The following CAMTA1 variants were observed in gnomAD, a reference collection of about 807,000 sequenced individuals.
CAMTA1 encodes the protein calmodulin binding transcription activator 1, also known as calmodulin-binding transcription activator 1.
In CAMTA1, 27 loss-of-function variants were observed where a neutral mutation model predicts 170.9. The observed-to-expected ratio is 0.16, with a 90% CI of 0.12 to 0.22. The LOEUF (loss-of-function observed/expected upper bound fraction) is 0.22. Among genes scored for constraint, CAMTA1 ranks in the 10% least tolerant of loss-of-function variants. The pLI is 1.00. For missense variants in CAMTA1, 1,619 were observed against 2,217.2 expected, an observed-to-expected ratio of 0.73 and a Z score of 5.42; for synonymous variants, 833 against 891.5, an observed-to-expected ratio of 0.93 and a Z score of 1.17.
chr1:7,276,289 A>ATTTTT (rs1393755906), intron 5 of CAMTA1, among the ~76,000 whole-genome samples: 12 of 53,504 alleles, frequency 2.2e-4, no homozygotes, highest in Non-Finnish European at 2.9e-4. Context: ...ATATATATAT[A>ATTTTT]TATATATATA....
chr1:7,462,733 C>G (rs2093120063), intron 5 of CAMTA1, among the ~76,000 whole-genome samples: 1 of 152,194 alleles, frequency 6.6e-6, no homozygotes, highest in African/African-American at 2.4e-5. Flanking sequence ...GCCGCTCCTC[C>G]CCTGCCCTGG....
At chr1:7,243,131 A>G (rs996994432) in intron 4 of CAMTA1, among the ~76,000 whole-genome samples, 4 of 152,156 alleles carry the variant, frequency 2.6e-5, no homozygotes, top group Non-Finnish European at 5.9e-5. Context: ...CATACTTTTT[A>G]AGATATAAAA....
intron 3 of CAMTA1, among the ~76,000 whole-genome samples, chr1:6,945,859 C>T (rs1022604043): frequency 2.6e-5 from 4 of 152,196 alleles, no homozygotes; most frequent in African/African-American, 9.7e-5. Flanking sequence ...TGCTGGATAA[C>T]ATCCTGTTGT....
Position 7,414,042 on chromosome 1 carries a change from T to TATATGCA in CAMTA1, c.439-53782_439-53781insAATATGC, listed in dbSNP as rs1210663095. On this transcript the variant is annotated intron_variant, in intron 5 of 22. Transcript: ENST00000303635. ...TGTGGTTTTTGTCTTTGGTTCTGTTTATATGCTGGATTACATTTATTGATT... is the reference window on the plus strand; with the variant it reads ...TGTGGTTTTTGTCTTTGGTTCTGTTTATATGCAATATGCTGGATTACATTTATTGATT... Among the ~76,000 whole-genome samples, 104 of 152,366 alleles carry TATATGCA rather than the reference T, an allele frequency of 6.8e-4. 1 individual carries two copies. Among genetic ancestry groups the TATATGCA allele is most frequent in the African/African-American group, 2.4e-3 (101 of 41,582 alleles).
chr1:7,661,395 T>C (rs994029196), intron 7 of CAMTA1, among the ~76,000 whole-genome samples: 6 of 152,208 alleles, frequency 3.9e-5, no homozygotes, highest in African/African-American at 1.4e-4. Context: ...GTTCCCTTTC[T>C]CTTCCATTCC....
At chr1:6,967,337 T>C (rs2149560058) in intron 3 of CAMTA1, among the ~76,000 whole-genome samples, 2 of 151,470 alleles carry the variant, frequency 1.3e-5, no homozygotes, top group Middle Eastern at 6.8e-3. Flanking sequence ...ACATAGGGGG[T>C]TGATGAAGGG....
At position 7,562,600 on chromosome 1, in the gene CAMTA1, G is replaced by A. The variant is rs963435419; in HGVS notation, c.511-77800G>A. Among the ~76,000 whole-genome samples, 7 of 152,150 alleles carry A rather than the reference G, an allele frequency of 4.6e-5. No individual in the cohort carries two copies. The highest frequency in any genetic ancestry group is 1.3e-4 in the Admixed American group (2 of 15,276). ...CACGCTGCCTGCATGTCCCAGAAAT[G>A]TTATCTCCTCTTTTTCGGAGATGTC... is the stretch of plus-strand genomic sequence containing the variant. On this transcript the variant is annotated intron_variant, in intron 6 of 22. Transcript: ENST00000303635. The surrounding 1 kb of genome is among the most constrained non-coding windows in gnomAD (Gnocchi z 4.8).
chr1:7,509,416 G>A (rs1038640956), intron 6 of CAMTA1, among the ~76,000 whole-genome samples: 4 of 152,260 alleles, frequency 2.6e-5, no homozygotes, highest in Admixed American at 2.6e-4. Flanking sequence ...AGAAAACACC[G>A]TGACACGGGT....
At chr1:7,388,665 A>G (rs74055407) in intron 5 of CAMTA1, among the ~76,000 whole-genome samples, 4,138 of 152,218 alleles carry the variant, frequency 0.027, 111 homozygotes, top group African/African-American at 0.063. Flanking sequence ...TCCTGAGTCC[A>G]GGGGGCCTGG....
chr1:7,475,555 T>A (rs1464149310), intron 6 of CAMTA1, among the ~76,000 whole-genome samples: 1 of 152,230 alleles, frequency 6.6e-6, no homozygotes, highest in African/African-American at 2.4e-5. Context: ...TTTGGTGTTA[T>A]AAGCACCCTG....
At chr1:7,225,117 C>T (rs1051783824) in intron 4 of CAMTA1, among the ~76,000 whole-genome samples, 2 of 151,720 alleles carry the variant, frequency 1.3e-5, no homozygotes, top group African/African-American at 4.8e-5. Flanking sequence ...TGGAGTCTTG[C>T]TCTTTTGCCC....
chr1:7,697,732 C>A (rs781224577), intron 11 of CAMTA1, among the ~76,000 whole-genome samples: 2 of 152,144 alleles, frequency 1.3e-5, no homozygotes, highest in Admixed American at 6.5e-5. Flanking sequence ...GAGAAACCTG[C>A]CAGTTTTTGG....
intron 5 of CAMTA1, among the ~76,000 whole-genome samples, chr1:7,434,304 A>G (rs2092278252): frequency 6.6e-6 from 1 of 152,216 alleles, no homozygotes; most frequent in Admixed American, 6.5e-5. Flanking sequence ...GGAGCATGGC[A>G]GTAAGGACAG....
intron 6 of CAMTA1, among the ~76,000 whole-genome samples, chr1:7,506,330 G>T (rs1294070557): frequency 1.3e-5 from 2 of 152,134 alleles, no homozygotes; most frequent in Non-Finnish European, 2.9e-5. Flanking sequence ...GCCCTGCCCT[G>T]GAGCCCCGGC....
rs541281792 is a variant in CAMTA1 at position 7,469,556 on chromosome 1, C to T, written c.510+1655C>T. Among the ~76,000 whole-genome samples the T allele has an allele frequency of 3.9e-5, 6 of 152,328 alleles. No homozygotes were observed. The South Asian group carries it at 8.3e-4, about 21-fold the overall frequency. ...GTCTGGTTTCTGCCCTTTTCCTTTTCGGTTTCATGCCCCCTGGTCAGAACA... is the reference window on the plus strand; with the variant it reads ...GTCTGGTTTCTGCCCTTTTCCTTTTTGGTTTCATGCCCCCTGGTCAGAACA... On this transcript the variant is annotated intron_variant, in intron 6 of 22. Transcript: ENST00000303635.
chr1:7,259,872 G>T lies in CAMTA1; in HGVS notation c.438+10246G>T, dbSNP rs184441808. On this transcript the variant is annotated intron_variant, in intron 5 of 22. Coordinates refer to ENST00000303635, the MANE Select transcript of CAMTA1 (RefSeq NM_015215.4). ...AATGGTCCTGTTCTTCCATCCTTTA[G>T]CTCCTCTGAACGGGGAACTTGCCTG... Among the ~76,000 whole-genome samples the T allele has an allele frequency of 2.6e-3, 391 of 152,276 alleles. 7 individuals carry two copies. The highest frequency in any genetic ancestry group is 1.5e-3 in the East Asian group (8 of 5,188).
At chr1:7,175,021 A>G (rs1186652671) in intron 4 of CAMTA1, among the ~76,000 whole-genome samples, 1 of 152,190 alleles carries the variant, frequency 6.6e-6, no homozygotes, top group Non-Finnish European at 1.5e-5. Flanking sequence ...AAAAAATGTC[A>G]TAAGTTATCT....
At chr1:7,175,806 C>T (rs916597892) in intron 4 of CAMTA1, among the ~76,000 whole-genome samples, 1 of 152,290 alleles carries the variant, frequency 6.6e-6, no homozygotes, top group Admixed American at 6.5e-5. Context: ...TTTCAGCCCC[C>T]AGGTATTTGC....
intron 5 of CAMTA1, among the ~76,000 whole-genome samples, chr1:7,457,839 G>T (rs2092995255): frequency 6.6e-6 from 1 of 152,094 alleles, no homozygotes; most frequent in Admixed American, 6.5e-5. Flanking sequence ...GGGTCTCCAG[G>T]GTCCCCACCT....
Sources: gnomAD v4.1 joint callset for allele counts (sites outside exome capture counted in the v4.1 genomes callset) on GRCh38, gnomAD v4.1.1 for gene constraint, Gnocchi (gnomAD v3.1) non-coding constraint, MANE v1.5 for transcripts, NCBI Gene and HGNC (gene_info 2026-07-23, HGNC 2026-07-21) for gene names.